Variants in NHS observed in about 807,000 individuals in gnomAD.
NHS encodes the protein actin remodeling regulator NHS.
Under a neutral mutation model 72.5 loss-of-function variants are expected in NHS, and 5 were observed. The ratio of observed to expected loss-of-function variants is 0.07; its 90% CI spans 0.04 to 0.14. NHS has a LOEUF of 0.14. Among genes scored for constraint, NHS ranks in the 10% least tolerant of loss-of-function variants. NHS has a pLI of 1.00. For synonymous variants in NHS, 464 were observed against 547.7 expected (o/e 0.85, Z 2.13); for missense variants, 1,072 against 1,355.7 (o/e 0.79, Z 3.29).
chrX:17,666,587 A>G (rs181170695), intron 1 of NHS, among the ~76,000 whole-genome samples: 1 of 112,932 alleles, frequency 8.9e-6, no homozygotes, highest in Non-Finnish European at 1.9e-5. Context: ...TGCAGTACAC[A>G]CTTAGTTAAT....
chrX:17,640,171 C>A (rs1412655727), intron 1 of NHS, among the ~76,000 whole-genome samples: 2 of 111,284 alleles, frequency 1.8e-5, no homozygotes, highest in Admixed American at 9.5e-5. Flanking sequence ...TAGAGGTAAA[C>A]TGAAGTGGAA....
At chrX:17,441,589 C>T (rs762256597) in intron 1 of NHS, among the ~76,000 whole-genome samples, 16 of 111,811 alleles carry the variant, frequency 1.4e-4, no homozygotes, top group Non-Finnish European at 2.8e-4. Context: ...TTTTCCTGCC[C>T]TGTACTGTAT....
chrX:17,583,627 C>G (rs900097857), intron 1 of NHS, among the ~76,000 whole-genome samples: 3 of 112,134 alleles, frequency 2.7e-5, no homozygotes, highest in Non-Finnish European at 5.6e-5. Context: ...GGAGGAATTC[C>G]CTCAGCAGAT....
intron 1 of NHS, among the ~76,000 whole-genome samples, chrX:17,613,023 T>G (rs903137337): frequency 1.8e-5 from 2 of 111,008 alleles, no homozygotes; most frequent in Non-Finnish European, 3.8e-5. Flanking sequence ...ATCACTTTTT[T>G]TTTTTTTTTA....
At chrX:17,666,802 T>C (rs2066015433) in intron 1 of NHS, among the ~76,000 whole-genome samples, 1 of 112,070 alleles carries the variant, frequency 8.9e-6, no homozygotes, top group Admixed American at 9.4e-5. Context: ...CAAAGTCTGG[T>C]GTAAGTCATG....
intron 1 of NHS, among the ~76,000 whole-genome samples, chrX:17,566,117 C>G (rs755146762): frequency 9.1e-6 from 1 of 109,549 alleles, no homozygotes; most frequent in Admixed American, 9.8e-5. Flanking sequence ...ATAGCTGGGA[C>G]TACAGGTGCG....
chrX:17,471,610 A>G (rs1299390407), intron 1 of NHS, among the ~76,000 whole-genome samples: 1 of 112,229 alleles, frequency 8.9e-6, no homozygotes, highest in Non-Finnish European at 1.9e-5. Context: ...AGCTTGCAGT[A>G]TTACTTATAT....
chrX:17,453,190 A>G (rs1012388491), intron 1 of NHS, among the ~76,000 whole-genome samples: 4 of 111,020 alleles, frequency 3.6e-5, no homozygotes, highest in African/African-American at 1.3e-4. Context: ...TGATATAGGT[A>G]GCTCACTGAG....
intron 1 of NHS, among the ~76,000 whole-genome samples, chrX:17,567,615 C>T (rs1265380787): frequency 9.0e-6 from 1 of 111,021 alleles, no homozygotes; most frequent in African/African-American, 3.3e-5. Flanking sequence ...GCCCCTGAGC[C>T]CCAGGGAAAG....
At chrX:17,429,816 G>A (rs1325611277) in intron 1 of NHS, among the ~76,000 whole-genome samples, 1 of 111,496 alleles carries the variant, frequency 9.0e-6, no homozygotes, top group African/African-American at 3.3e-5. Context: ...TCTACCCCAT[G>A]TGGATCATTT....
rs17246582 is a variant in NHS, at chrX:17,728,865, A to G, written c.4349+90A>G. 0.025 allele frequency: 28,169 copies of G among 1,110,033 alleles called. 286 individuals are homozygous for G. Among genetic ancestry groups the G allele is most frequent in the South Asian group, 0.041 (2,172 of 53,347 alleles). The allele number at this position is 1,110,033 out of a possible 1,213,427, so 91.5% of individuals were successfully genotyped here. On this transcript the variant is annotated intron_variant, in intron 8 of 8. Coordinates refer to ENST00000676302, the MANE Select transcript of NHS (RefSeq NM_001291867.2). Reference sequence around the variant, plus strand: ...CTTCTCACAAATGCAAATACAGGAAAGCTTTTTGTAATTGTAATACATTCA... The same window carrying G: ...CTTCTCACAAATGCAAATACAGGAAGGCTTTTTGTAATTGTAATACATTCA...
chrX:17,599,221 GAT>G (rs2065638216), intron 1 of NHS, among the ~76,000 whole-genome samples: 1 of 111,783 alleles, frequency 8.9e-6, no homozygotes, highest in East Asian at 2.8e-4. Context: ...TGAACACATG[GAT>G]ATAGTTCCAT....
intron 1 of NHS, among the ~76,000 whole-genome samples, chrX:17,526,617 C>T (rs900325286): frequency 9.0e-6 from 1 of 111,542 alleles, no homozygotes; most frequent in African/African-American, 3.3e-5. Flanking sequence ...TGGGGAGATA[C>T]CGAAAGGGGA....
intron 1 of NHS, among the ~76,000 whole-genome samples, chrX:17,495,113 C>A (rs2065006678): frequency 8.9e-6 from 1 of 111,739 alleles, no homozygotes. Flanking sequence ...TATTGATAGC[C>A]CAGGTGAATG....
chrX:17,437,594 G>A (rs1355727446), intron 1 of NHS, among the ~76,000 whole-genome samples: 2 of 111,165 alleles, frequency 1.8e-5, no homozygotes, highest in Admixed American at 1.9e-4. Flanking sequence ...GTGTCATAGT[G>A]ATCAACTCCC....
chrX:17,572,491 C>CTTTTTTTTTTTTT (rs760577193), intron 1 of NHS, among the ~76,000 whole-genome samples: 13 of 46,764 alleles, frequency 2.8e-4, no homozygotes, highest in African/African-American at 9.1e-4. Flanking sequence ...GCAACCCCTG[C>CTTTTTTTTTTTTT]TTTTTTTTTT....
chrX:17,631,903 C>T (rs2065823368), intron 1 of NHS, among the ~76,000 whole-genome samples: 1 of 111,992 alleles, frequency 8.9e-6, no homozygotes, highest in Admixed American at 9.5e-5. Context: ...GACTGTGGCC[C>T]TCATCTTCAC....
At chrX:17,671,911 G>A (rs760156376) in intron 1 of NHS, among the ~76,000 whole-genome samples, 82 of 112,200 alleles carry the variant, frequency 7.3e-4, no homozygotes, top group African/African-American at 2.1e-3. Flanking sequence ...GAAAGCAGAA[G>A]CCCACTTCTG....
intron 1 of NHS, among the ~76,000 whole-genome samples, chrX:17,483,239 G>T (rs922595468): frequency 8.9e-6 from 1 of 111,980 alleles, no homozygotes; most frequent in Non-Finnish European, 1.9e-5. Flanking sequence ...TTGAAATACA[G>T]TTATCAAAGT....
Sources: gnomAD v4.1 joint callset for allele counts (sites outside exome capture counted in the v4.1 genomes callset) on GRCh38, gnomAD v4.1.1 for gene constraint, MANE v1.5 for transcripts, NCBI Gene and HGNC (gene_info 2026-07-23, HGNC 2026-07-21) for gene names.